The following ZNF730 variants were observed in gnomAD, a reference collection of about 807,000 sequenced individuals.
The protein encoded by ZNF730 is zinc finger protein 730.
A neutral mutation model predicts 12.6 loss-of-function variants in ZNF730; 12 were observed. That is an observed-to-expected ratio of 0.95 (90% CI 0.61 to 1.54). ZNF730 has a LOEUF of 1.54. Among genes scored for constraint, ZNF730 ranks in the 40% most tolerant of loss-of-function variants. ZNF730 has a pLI of 0.00. For synonymous variants in ZNF730, 194 were observed against 195.8 expected (o/e 0.99, Z 0.08); for missense variants, 643 against 583.5 (o/e 1.10, Z -1.05).
intron 1 of ZNF730, chr19:23,127,979 TCCTCAGTAGGTCAAGATCTGTGA>T: frequency 1.4e-6 from 1 of 736,194 alleles, no homozygotes; most frequent in Non-Finnish European, 2.5e-6. Flanking sequence ...GCCTGCAGGC[TCCTCAGTAGGTCAAGATCTGTGA>T]CCTATGGCAT....
chr19:23,088,369 ATGT>A (rs1230848806), intron 1 of ZNF730, among the ~76,000 whole-genome samples: 1 of 151,988 alleles, frequency 6.6e-6, no homozygotes, highest in Admixed American at 6.6e-5. Flanking sequence ...ATTCAGTATA[ATGT>A]TGGCTGTGGG....
upstream of ZNF730, among the ~76,000 whole-genome samples, chr19:23,115,761 A>G (rs903075624): frequency 6.6e-6 from 1 of 152,180 alleles, no homozygotes; most frequent in Non-Finnish European, 1.5e-5. Context: ...ACATGTCTGA[A>G]GGAGCTCAGC....
chr19:23,077,915 G>T (rs1229053515), intron 1 of ZNF730, among the ~76,000 whole-genome samples: 1 of 152,134 alleles, frequency 6.6e-6, no homozygotes, highest in East Asian at 1.9e-4. Flanking sequence ...TTAACTCAAG[G>T]TTTAATGGAT....
At chr19:23,114,701 A>G (rs1908940), upstream of ZNF730, among the ~76,000 whole-genome samples, 45,797 of 151,832 alleles carry the variant, frequency 0.3, 7,801 homozygotes, top group African/African-American at 0.47. Flanking sequence ...CTGATCAAAA[A>G]TGAATAATCT....
intron 1 of ZNF730, among the ~76,000 whole-genome samples, chr19:23,119,305 C>A (rs1347038985): frequency 6.6e-6 from 1 of 152,114 alleles, no homozygotes; most frequent in African/African-American, 2.4e-5. Context: ...TGGTTTTTAT[C>A]TGTAGTTTGT....
At chr19:23,084,290 A>T (rs1970019067) in intron 1 of ZNF730, among the ~76,000 whole-genome samples, 1 of 152,186 alleles carries the variant, frequency 6.6e-6, no homozygotes, top group Non-Finnish European at 1.5e-5. Context: ...TTTTTATGTG[A>T]GTACAATGCT....
intron 1 of ZNF730, among the ~76,000 whole-genome samples, chr19:23,102,104 C>G (rs540981156): frequency 6.6e-6 from 1 of 152,282 alleles, no homozygotes; most frequent in Admixed American, 6.5e-5. Context: ...CATCAGTCAC[C>G]TAGGAAATGT....
intron 3 of ZNF730, among the ~76,000 whole-genome samples, chr19:23,140,313 T>C (rs561985949): frequency 3.1e-4 from 47 of 152,288 alleles, no homozygotes; most frequent in African/African-American, 9.9e-4. Flanking sequence ...TTTAATTTAT[T>C]CTTTTTAAAA....
intron 1 of ZNF730, among the ~76,000 whole-genome samples, chr19:23,093,165 A>G (rs1215449665): frequency 6.6e-6 from 1 of 152,086 alleles, no homozygotes; most frequent in Non-Finnish European, 1.5e-5. Context: ...TAGTAGATAC[A>G]GGACTTCGCC....
At chr19:23,134,604 G>T (rs1435124800) in intron 2 of ZNF730, among the ~76,000 whole-genome samples, 8 of 145,354 alleles carry the variant, frequency 5.5e-5, no homozygotes, top group African/African-American at 2.0e-4. Flanking sequence ...GGTGGGGGGG[G>T]GGGTCAGCCC....
intron 3 of ZNF730, among the ~76,000 whole-genome samples, chr19:23,140,813 A>C (rs1017327871): frequency 2.7e-5 from 4 of 150,522 alleles, no homozygotes; most frequent in African/African-American, 9.8e-5. Flanking sequence ...TTGGCCAGGC[A>C]TGGTGGCCAG....
chr19:23,100,697 C>G (rs1970326738), intron 1 of ZNF730, among the ~76,000 whole-genome samples: 2 of 122,990 alleles, frequency 1.6e-5, no homozygotes, highest in South Asian at 5.4e-4. Context: ...GCTCTGTCAC[C>G]CAGGCTGGAG....
At chr19:23,114,589 T>G (rs974265490), upstream of ZNF730, among the ~76,000 whole-genome samples, 51 of 152,066 alleles carry the variant, frequency 3.4e-4, no homozygotes, top group African/African-American at 1.2e-3. Flanking sequence ...CCTGACTTCA[T>G]GATCCGCCCG....
At position 23,146,110 on chromosome 19, in the gene ZNF730, AAT is replaced by A. The variant is rs749996392; in HGVS notation, c.1068_1069del (p.Asn356LysfsTer3). 9.9e-6 allele frequency: 16 copies of A among 1,610,104 alleles called. No homozygotes were observed. Among genetic ancestry groups the A allele is most frequent in the Non-Finnish European group, 1.4e-5 (16 of 1,177,980 alleles). Reference sequence around the variant, plus strand: ...AGCTTTTAACCGATCCTCAACCCTTAATAGACATAAGATAACTCATACTGGAG... The same window carrying A: ...AGCTTTTAACCGATCCTCAACCCTTAAGACATAAGATAACTCATACTGGAG... Reference protein sequence around the residue: ...GKAFNRSSTLNRHKITHTGGK... With the variant: ...GKAFNRSSTLXRHKITHTGGK... On this transcript the variant is annotated frameshift_variant, in exon 4 of 4. Transcript: ENST00000597761. LOFTEE classifies it low-confidence loss of function (END_TRUNC).
chr19:23,145,932 C>T lies in ZNF730; in HGVS notation c.888C>T (p.Ser296=). 2 of 1,609,370 alleles carry T rather than the reference C, an allele frequency of 1.2e-6. No homozygotes were observed. Among genetic ancestry groups the T allele is most frequent in the East Asian group, 2.2e-5 (1 of 44,812 alleles). The change falls in exon 4 of 4, where the codon TCC becomes TCT. Residue 296 remains serine (S), a synonymous_variant. Transcript: ENST00000597761. ...AATGTGGCAAAGCCTTTAACCAGTC[C>T]TCAAACCTTACTGAACATAAGAAAA... ...CEECGKAFNQ[S]SNLTEHKKIH... is the part of the protein sequence containing the mutation.
chr19:23,075,263 G>T (rs941932974), exon 1 of ZNF730: 3 of 152,446 alleles, frequency 2.0e-5, no homozygotes. Flanking sequence ...ACTGTTCCGC[G>T]TCCTCTACCT....
In ZNF730 at chr19:23,118,367, T is replaced by TTG. The variant is rs58002919; in HGVS notation, c.3+1192_3+1193insGT. Among the ~76,000 whole-genome samples the TTG allele has an allele frequency of 4.2e-3, 262 of 62,244 alleles. 2 individuals carry two copies. The highest frequency in any genetic ancestry group is 0.032 in the African/African-American group (247 of 7,816). 40.8% of individuals were successfully genotyped at this position (62,244 alleles called of 152,430 possible). A position where few individuals can be genotyped will look rare whatever the true frequency, so the allele number is the denominator to read the frequency against. On this transcript the variant is annotated intron_variant, in intron 1 of 3. Transcript: ENST00000597761. ...GTTTTGGGGTCAAGTTTGTTTTTTG[T>TTG]TTTTTTTTTTTGTTTTTTTAATTTT...
intron 1 of ZNF730, among the ~76,000 whole-genome samples, chr19:23,118,006 G>A (rs1471372218): frequency 6.6e-6 from 1 of 151,956 alleles, no homozygotes; most frequent in Non-Finnish European, 1.5e-5. Flanking sequence ...TTCTCAAACG[G>A]GGTCTCAAGT....
chr19:23,141,130 C>G (rs1291965799), intron 3 of ZNF730, among the ~76,000 whole-genome samples: 4 of 152,154 alleles, frequency 2.6e-5, no homozygotes, highest in Middle Eastern at 3.4e-3. Context: ...TGTGGTGGCT[C>G]ACGCCTGTAA....
Sources: allele counts gnomAD v4.1 joint callset (sites outside exome capture counted in the v4.1 genomes callset), GRCh38; gene constraint gnomAD v4.1.1; transcripts MANE v1.5; gene names NCBI Gene and HGNC (gene_info 2026-07-23, HGNC 2026-07-21).